The following TMEM132D variants were observed in gnomAD, a reference collection of about 807,000 sequenced individuals.
TMEM132D encodes the protein transmembrane protein 132D.
Under a neutral mutation model 62.3 loss-of-function variants are expected in TMEM132D, and 21 were observed. That is an observed-to-expected ratio of 0.34 (90% CI 0.24 to 0.49). The LOEUF (loss-of-function observed/expected upper bound fraction) is 0.49, where lower values mean the gene tolerates loss of function less well. TMEM132D is among the 20% of genes least tolerant of loss of function. TMEM132D has a pLI of 0.99. For missense variants in TMEM132D, 1,346 were observed against 1,402.8 expected (o/e 0.96, Z 0.65); for synonymous variants, 621 against 575.6 (o/e 1.08, Z -1.13).
rs577068589 is a variant in TMEM132D, at chr12:129,340,090, C to A, written c.1116-2273G>T. On this transcript the variant is annotated intron_variant, in intron 3 of 8. Transcript: ENST00000422113. ...GTTCTTGCCATCCTAGAAGAGCCAC[C>A]TATAATACCCTTCAATTAATAGAAG... Among the ~76,000 whole-genome samples the A allele has an allele frequency of 5.7e-4, 87 of 152,278 alleles. 1 individual carries two copies. The South Asian group carries it at 0.012, about 21-fold the overall frequency.
intron 2 of TMEM132D, among the ~76,000 whole-genome samples, chr12:129,534,249 CT>C (rs1566101611): frequency 6.6e-6 from 1 of 152,104 alleles, no homozygotes. Context: ...AGATACTTTG[CT>C]GTAGATTTAT....
chr12:129,834,880 G>A (rs1028829557), intron 1 of TMEM132D, among the ~76,000 whole-genome samples: 1 of 152,168 alleles, frequency 6.6e-6, no homozygotes, highest in Non-Finnish European at 1.5e-5. Context: ...GAGCTTTTTG[G>A]TATCTGAACA....
At chr12:129,790,624 G>T (rs564889880) in intron 1 of TMEM132D, among the ~76,000 whole-genome samples, 15 of 151,920 alleles carry the variant, frequency 9.9e-5, no homozygotes, top group African/African-American at 2.9e-4. Flanking sequence ...GGCACAGGAT[G>T]GGGGGGCAGG....
intron 2 of TMEM132D, among the ~76,000 whole-genome samples, chr12:129,628,838 A>T (rs1879284982): frequency 6.6e-6 from 1 of 151,902 alleles, no homozygotes; most frequent in African/African-American, 2.4e-5. Flanking sequence ...CTTGGCTTCC[A>T]CCACCTTGCT....
intron 2 of TMEM132D, among the ~76,000 whole-genome samples, chr12:129,539,188 C>T (rs889115810): frequency 9.9e-5 from 15 of 151,814 alleles, no homozygotes; most frequent in Non-Finnish European, 1.8e-4. Flanking sequence ...CATCACACTA[C>T]TCAGAATGGC....
At chr12:129,647,244 T>G (rs1220161832) in intron 2 of TMEM132D, among the ~76,000 whole-genome samples, 1 of 20,072 alleles carries the variant, frequency 5.0e-5, no homozygotes, top group Admixed American at 5.0e-4. Flanking sequence ...TGTTTTTCTG[T>G]TTTTTTTTTT....
intron 1 of TMEM132D, among the ~76,000 whole-genome samples, chr12:129,706,094 A>G: frequency 6.8e-6 from 1 of 147,226 alleles, no homozygotes; most frequent in East Asian, 2.5e-4. Flanking sequence ...ACAGATAAAC[A>G]AAAATAGAAA....
In TMEM132D at chr12:129,903,330, A is replaced by G; in HGVS notation, c.10T>C (p.Ser4Pro). 6.4e-7 allele frequency: 1 copy of G among 1,552,700 alleles called. No homozygotes were observed. Among genetic ancestry groups the G allele is most frequent in the Non-Finnish European group, 8.7e-7 (1 of 1,147,668 alleles). Residue 4 changes from serine to proline, a missense_variant, in exon 1 of 9, where the codon TCT becomes CCT. Physicochemically the swap from Ser to Pro is moderately conservative, Grantham distance 74. Coordinates refer to ENST00000422113, the MANE Select transcript of TMEM132D (RefSeq NM_133448.3). This position sits in a 1 kb window ranked among gnomAD's most constrained non-coding sequence, Gnocchi z 6.2. ...TGGTGCCACAGCGTCCCCATCTCAG[A>G]CGGGCACATCCTGGAGACCCGGAGC... MCP[S>P]EMGTLWHHWS...
At chr12:129,761,039 G>GA (rs138226014) in intron 1 of TMEM132D, among the ~76,000 whole-genome samples, 15,648 of 147,856 alleles carry the variant, frequency 0.11, 1,464 homozygotes, top group African/African-American at 0.25. Flanking sequence ...GTGGGGAAAA[G>GA]AAAAAAAAAA....
At chr12:129,470,293 A>G (rs1036071264) in intron 3 of TMEM132D, among the ~76,000 whole-genome samples, 3 of 152,218 alleles carry the variant, frequency 2.0e-5, no homozygotes, top group Admixed American at 6.5e-5. Context: ...GTTTCTTTGT[A>G]AAGTTACCAA....
intron 2 of TMEM132D, among the ~76,000 whole-genome samples, chr12:129,575,589 C>T (rs954616978): frequency 6.6e-6 from 1 of 151,796 alleles, no homozygotes; most frequent in Non-Finnish European, 1.5e-5. Context: ...TCCGTAAATG[C>T]CAGAAAGCTC....
intron 4 of TMEM132D, among the ~76,000 whole-genome samples, chr12:129,218,676 G>A (rs1879273723): frequency 6.6e-6 from 1 of 152,084 alleles, no homozygotes; most frequent in African/African-American, 2.4e-5. Context: ...AAAGTATATT[G>A]GTTTTTGAGG....
chr12:129,875,518 T>C (rs755832104), intron 1 of TMEM132D, among the ~76,000 whole-genome samples: 1 of 152,162 alleles, frequency 6.6e-6, no homozygotes, highest in Non-Finnish European at 1.5e-5. Flanking sequence ...ACTGGTGCTA[T>C]CCTGAGTCCC....
At chr12:129,730,210 C>T (rs116484162) in intron 1 of TMEM132D, among the ~76,000 whole-genome samples, 199 of 152,106 alleles carry the variant, frequency 1.3e-3, no homozygotes, top group African/African-American at 4.4e-3. Flanking sequence ...TCTGAGGAGC[C>T]GAAAGTCTAA....
chr12:129,761,832 G>C (rs1177757615), intron 1 of TMEM132D, among the ~76,000 whole-genome samples: 1 of 152,058 alleles, frequency 6.6e-6, no homozygotes, highest in Non-Finnish European at 1.5e-5. Context: ...CCAGAAATGA[G>C]CCTGCAAGAT....
chr12:129,302,799 G>A (rs1881754401), intron 4 of TMEM132D, among the ~76,000 whole-genome samples: 1 of 152,208 alleles, frequency 6.6e-6, no homozygotes, highest in African/African-American at 2.4e-5. Context: ...CGAAGCTCGA[G>A]CTCAAAGTCA....
intron 5 of TMEM132D, among the ~76,000 whole-genome samples, chr12:129,105,983 C>T (rs1227955902): frequency 3.3e-5 from 5 of 151,782 alleles, no homozygotes; most frequent in Admixed American, 1.3e-4. Context: ...TTTATTGTGG[C>T]ACTATTCACG....
intron 5 of TMEM132D, among the ~76,000 whole-genome samples, chr12:129,115,201 A>T (rs1241131507): frequency 6.6e-6 from 1 of 152,160 alleles, no homozygotes; most frequent in Non-Finnish European, 1.5e-5. Context: ...CTAAAAACAC[A>T]CCAATTGTTT....
intron 5 of TMEM132D, among the ~76,000 whole-genome samples, chr12:129,193,949 C>T (rs1422039889): frequency 1.3e-5 from 2 of 152,188 alleles, no homozygotes; most frequent in African/African-American, 2.4e-5. Context: ...TTTTCTTGAA[C>T]GTCTCTTAAA....
Sources: gnomAD v4.1 joint callset for allele counts (sites outside exome capture counted in the v4.1 genomes callset) on GRCh38, gnomAD v4.1.1 for gene constraint, Gnocchi (gnomAD v3.1) non-coding constraint, MANE v1.5 for transcripts, NCBI Gene and HGNC (gene_info 2026-07-23, HGNC 2026-07-21) for gene names.